RGS6: variants seen among roughly 807,000 people sequenced by gnomAD.
The protein encoded by RGS6 is regulator of G protein signaling 6.
In RGS6, 30 loss-of-function variants were observed where a neutral mutation model predicts 78.5. The ratio of observed to expected loss-of-function variants is 0.38; its 90% CI spans 0.29 to 0.52. The LOEUF (loss-of-function observed/expected upper bound fraction) is 0.52, where lower values mean the gene tolerates loss of function less well. Among genes scored for constraint, RGS6 ranks in the 20% least tolerant of loss-of-function variants. The probability of loss-of-function intolerance (pLI) is 0.85; values close to 1 mark genes in which losing one functional copy is unlikely to be tolerated. For synonymous variants in RGS6, 206 were observed against 206.0 expected, an observed-to-expected ratio of 1.00 and a Z score of 0.00; for missense variants, 495 against 609.7, an observed-to-expected ratio of 0.81 and a Z score of 1.98.
At chr14:72,070,392 C>T (rs2094364105) in intron 2 of RGS6, among the ~76,000 whole-genome samples, 3 of 152,190 alleles carry the variant, frequency 2.0e-5, no homozygotes, top group African/African-American at 7.2e-5. Context: ...GCTGTATGAA[C>T]TCGCACTGCA....
chr14:72,310,786 G>A (rs999930397), intron 2 of RGS6, among the ~76,000 whole-genome samples: 2 of 152,144 alleles, frequency 1.3e-5, no homozygotes, highest in Non-Finnish European at 2.9e-5. Context: ...TAAGACACAG[G>A]CTGCTGCTTT....
the RGS6 span, among the ~76,000 whole-genome samples, chr14:71,900,031 G>A: frequency 6.6e-6 from 1 of 152,186 alleles, no homozygotes; most frequent in Non-Finnish European, 1.5e-5. Context: ...TGACTCCTCT[G>A]TAGCGGAGTT....
intron 2 of RGS6, among the ~76,000 whole-genome samples, chr14:72,308,059 T>A (rs560377548): frequency 1.4e-4 from 22 of 152,320 alleles, no homozygotes; most frequent in Admixed American, 1.2e-3. Flanking sequence ...GCCATCTAAT[T>A]AAATGTTTTA....
intron 2 of RGS6, among the ~76,000 whole-genome samples, chr14:72,239,531 G>A (rs2052181463): frequency 6.6e-6 from 1 of 152,144 alleles, no homozygotes; most frequent in Admixed American, 6.5e-5. Flanking sequence ...TTCCTAGTGG[G>A]TGGGGGAGAA....
chr14:71,910,206 CAAAA>C, the RGS6 span, among the ~76,000 whole-genome samples: 3 of 5,882 alleles, frequency 5.1e-4, no homozygotes, highest in African/African-American at 2.4e-3. Flanking sequence ...AAAACAAAAA[CAAAA>C]CAAAACAAAA....
rs114288120 is a variant in RGS6 at position 72,551,572 on chromosome 14, A to G, written c.1423-10845A>G. ...CCTGCTCGTGTGACCCCTTGAGAAC[A>G]ACGGTCCCTTTAGTACCCACCAGAA... On this transcript the variant is annotated intron_variant, in intron 17 of 17. Coordinates refer to ENST00000553525, the MANE Select transcript of RGS6 (RefSeq NM_001204424.2). 5.0e-3 allele frequency among the ~76,000 whole-genome samples: 758 copies of G among 152,312 alleles called. 6 individuals carry two copies. The highest frequency in any genetic ancestry group is 0.017 in the African/African-American group (701 of 41,564).
At chr14:72,098,341 T>G (rs546378481) in intron 2 of RGS6, among the ~76,000 whole-genome samples, 1 of 152,370 alleles carries the variant, frequency 6.6e-6, no homozygotes, top group South Asian at 2.1e-4. Flanking sequence ...TCCTTGCTTT[T>G]TCTCTGTCCC....
chr14:71,956,004 T>C (rs2092759283), intron 1 of RGS6, among the ~76,000 whole-genome samples: 2 of 152,204 alleles, frequency 1.3e-5, no homozygotes, highest in South Asian at 4.1e-4. Flanking sequence ...AATTTTGAAG[T>C]GAGCTCATCA....
At chr14:71,946,166 G>C (rs2091478470) in intron 1 of RGS6, among the ~76,000 whole-genome samples, 1 of 152,100 alleles carries the variant, frequency 6.6e-6, no homozygotes, top group Non-Finnish European at 1.5e-5. Context: ...AGGATAGCAG[G>C]TAGTTTAGGG....
At chr14:72,449,671 CAG>C (rs1434156714) in intron 3 of RGS6, among the ~76,000 whole-genome samples, 1 of 152,320 alleles carries the variant, frequency 6.6e-6, no homozygotes, top group East Asian at 1.9e-4. Flanking sequence ...CTAACAAACA[CAG>C]AGGAGAGGTG....
At chr14:72,568,944 T>A (rs978015534), downstream of RGS6, among the ~76,000 whole-genome samples, 1 of 152,184 alleles carries the variant, frequency 6.6e-6, no homozygotes, top group African/African-American at 2.4e-5. Flanking sequence ...TCCCATTACA[T>A]CACAGGATGG....
intron 2 of RGS6, among the ~76,000 whole-genome samples, chr14:72,038,235 G>C (rs1283086106): frequency 6.6e-6 from 1 of 152,154 alleles, no homozygotes; most frequent in African/African-American, 2.4e-5. Flanking sequence ...CTCCCAAAGT[G>C]CTGGGATTAC....
At chr14:72,554,765 T>C (rs879785108) in intron 17 of RGS6, among the ~76,000 whole-genome samples, 5 of 152,082 alleles carry the variant, frequency 3.3e-5, no homozygotes, top group Admixed American at 3.3e-4. Context: ...AGAGCTGGTG[T>C]GAAAAGGGGG....
chr14:72,001,174 G>T (rs1022753577), intron 2 of RGS6, among the ~76,000 whole-genome samples: 1 of 152,096 alleles, frequency 6.6e-6, no homozygotes. Flanking sequence ...TCGCAGTCGC[G>T]GTGGCCCTGC....
intron 3 of RGS6, among the ~76,000 whole-genome samples, chr14:72,416,654 T>C (rs2093832416): frequency 6.6e-6 from 1 of 152,180 alleles, no homozygotes; most frequent in Non-Finnish European, 1.5e-5. Flanking sequence ...GCTGTAGTGC[T>C]AATATAACCT....
Position 71,965,540 on chromosome 14 carries a change from C to T in RGS6, c.84+665C>T, listed in dbSNP as rs189309499. On this transcript the variant is annotated intron_variant, in intron 2 of 17. Coordinates refer to ENST00000553525, the MANE Select transcript of RGS6 (RefSeq NM_001204424.2). ...CAGAGCTGAGGAAAGTAACAGCAAC[C>T]GGAACTGGTTAGCTTGGACATAGGA... 3.8e-3 allele frequency among the ~76,000 whole-genome samples: 573 copies of T among 152,196 alleles called. 1 individual carries two copies. The highest frequency in any genetic ancestry group is 0.013 in the African/African-American group (543 of 41,502).
the RGS6 span, among the ~76,000 whole-genome samples, chr14:71,917,462 G>A: frequency 1.3e-5 from 2 of 152,110 alleles, no homozygotes; most frequent in Non-Finnish European, 2.9e-5. Context: ...ATCAGAGCAC[G>A]AATTAATCAG....
At chr14:72,422,279 A>G (rs1051282707) in intron 3 of RGS6, among the ~76,000 whole-genome samples, 3 of 152,202 alleles carry the variant, frequency 2.0e-5, no homozygotes, top group Non-Finnish European at 4.4e-5. Context: ...ACTAATACAA[A>G]TGGGATGTAA....
At chr14:72,447,955 C>T (rs1186041789) in intron 3 of RGS6, among the ~76,000 whole-genome samples, 1 of 152,176 alleles carries the variant, frequency 6.6e-6, no homozygotes. Flanking sequence ...CCACCCACCT[C>T]GGCCTCCCGC....
Sources: gnomAD v4.1 joint callset for allele counts (sites outside exome capture counted in the v4.1 genomes callset) on GRCh38, gnomAD v4.1.1 for gene constraint, MANE v1.5 for transcripts, NCBI Gene and HGNC (gene_info 2026-07-23, HGNC 2026-07-21) for gene names.